ADAMTSL1: variants seen among roughly 807,000 people sequenced by gnomAD.
ADAMTSL1 encodes ADAMTS like 1, also known as ADAMTS-like protein 1.
A neutral mutation model predicts 201.8 loss-of-function variants in ADAMTSL1; 126 were observed. The ratio of observed to expected loss-of-function variants is 0.62; its 90% CI spans 0.54 to 0.72. The LOEUF is 0.72. ADAMTSL1 is among the 30% of genes least tolerant of loss of function. The probability of loss-of-function intolerance (pLI) is 0.00; values close to 1 mark genes in which losing one functional copy is unlikely to be tolerated. For missense variants in ADAMTSL1, 2,679 were observed against 2,277.8 expected, an observed-to-expected ratio of 1.18 and a Z score of -3.59; for synonymous variants, 1,121 against 903.4, an observed-to-expected ratio of 1.24 and a Z score of -4.32.
intron 1 of ADAMTSL1, among the ~76,000 whole-genome samples, chr9:18,144,678 T>C (rs1306561905): frequency 6.6e-6 from 1 of 152,172 alleles, no homozygotes; most frequent in East Asian, 1.9e-4. Context: ...TTTGCAAAGA[T>C]ACTAGCTTTT....
intron 24 of ADAMTSL1, 32 bp downstream of exon 24, chr9:18,888,075 C>T (rs1421313849): frequency 5.6e-6 from 9 of 1,593,772 alleles, no homozygotes; most frequent in Non-Finnish European, 7.7e-6. Flanking sequence ...GCATACTGGA[C>T]TTGAACAAGA....
At chr9:18,040,968 A>T (rs1200441728) in intron 1 of ADAMTSL1, among the ~76,000 whole-genome samples, 1 of 152,160 alleles carries the variant, frequency 6.6e-6, no homozygotes, top group African/African-American at 2.4e-5. Context: ...TTTAATGAAA[A>T]TTTCAATTTC....
intron 1 of ADAMTSL1, among the ~76,000 whole-genome samples, chr9:18,126,413 C>G (rs1420187130): frequency 6.6e-6 from 1 of 152,156 alleles, no homozygotes; most frequent in African/African-American, 2.4e-5. Context: ...CTTTATCCTT[C>G]TATTTAGGGT....
intron 2 of ADAMTSL1, among the ~76,000 whole-genome samples, chr9:18,337,099 G>C (rs1835272054): frequency 6.6e-6 from 1 of 152,114 alleles, no homozygotes; most frequent in Non-Finnish European, 1.5e-5. Flanking sequence ...TGAGTCAGTG[G>C]ACTGGGAGAC....
intron 4 of ADAMTSL1, among the ~76,000 whole-genome samples, chr9:18,621,612 T>C (rs1405923019): frequency 6.6e-6 from 1 of 151,098 alleles, no homozygotes; most frequent in Non-Finnish European, 1.5e-5. Context: ...TAAGTTTGTA[T>C]CTGTTTGCTG....
chr9:18,599,156 A>G (rs1824464086), intron 4 of ADAMTSL1, among the ~76,000 whole-genome samples: 1 of 152,188 alleles, frequency 6.6e-6, no homozygotes, highest in South Asian at 2.1e-4. Flanking sequence ...GAGCCACATG[A>G]TATAATGTCC....
At chr9:17,955,504 C>T (rs905239892) in intron 1 of ADAMTSL1, among the ~76,000 whole-genome samples, 4 of 152,198 alleles carry the variant, frequency 2.6e-5, no homozygotes, top group Admixed American at 1.3e-4. Context: ...CAGTCACCCA[C>T]GGTCAGCTTT....
intron 2 of ADAMTSL1, among the ~76,000 whole-genome samples, chr9:18,431,265 T>C (rs12554734): frequency 6.6e-5 from 10 of 152,228 alleles, no homozygotes; most frequent in Non-Finnish European, 1.3e-4. Context: ...AGAATGCAGA[T>C]GCAGTAGAGT....
chr9:17,943,520 T>C (rs567828639), intron 1 of ADAMTSL1, among the ~76,000 whole-genome samples: 1 of 152,238 alleles, frequency 6.6e-6, no homozygotes, highest in East Asian at 1.9e-4. Flanking sequence ...CTGTTTAAAG[T>C]ATTTTGATAT....
intron 2 of ADAMTSL1, among the ~76,000 whole-genome samples, chr9:18,272,454 A>T (rs1832413291): frequency 6.6e-6 from 1 of 152,218 alleles, no homozygotes; most frequent in Non-Finnish European, 1.5e-5. Flanking sequence ...ACAAAAATTA[A>T]TTCAAGATGG....
At chr9:18,463,524 C>T (rs188502976) in intron 2 of ADAMTSL1, among the ~76,000 whole-genome samples, 6 of 152,196 alleles carry the variant, frequency 3.9e-5, no homozygotes, top group Non-Finnish European at 7.3e-5. Flanking sequence ...AACCCCATAC[C>T]CCGTTAAACG....
intron 16 of ADAMTSL1, 136 bp downstream of exon 16, chr9:18,753,644 C>T (rs1280767934): frequency 2.1e-6 from 2 of 939,274 alleles, no homozygotes; most frequent in Non-Finnish European, 3.3e-6. Context: ...CTTCTTAGTA[C>T]TCCCCTAACC....
At chr9:18,684,957 A>AGTGTTT (rs1479250575) in intron 13 of ADAMTSL1, 157 bp downstream of exon 13, 14 of 1,395,514 alleles carry the variant, frequency 1.0e-5, no homozygotes, top group Non-Finnish European at 1.3e-5. Flanking sequence ...AGTTTCAAAA[A>AGTGTTT]GTGTTTGTCA....
chr9:17,989,145 C>T (rs1255610581), intron 1 of ADAMTSL1, among the ~76,000 whole-genome samples: 2 of 151,596 alleles, frequency 1.3e-5, no homozygotes, highest in Non-Finnish European at 2.9e-5. Flanking sequence ...ATGTTTATTA[C>T]AGAAAAATCA....
At chr9:18,127,784 GA>G (rs1218644680) in intron 1 of ADAMTSL1, among the ~76,000 whole-genome samples, 14 of 152,264 alleles carry the variant, frequency 9.2e-5, no homozygotes, top group Middle Eastern at 3.4e-3. Context: ...TGGTCACCAG[GA>G]AACTTGCCAT....
At chr9:18,327,761 G>C (rs987316684) in intron 2 of ADAMTSL1, among the ~76,000 whole-genome samples, 3 of 152,190 alleles carry the variant, frequency 2.0e-5, no homozygotes, top group African/African-American at 7.2e-5. Context: ...AAAGCTTAAA[G>C]AGTTATACAC....
Position 18,067,137 on chromosome 9 carries a change from TA to T in ADAMTSL1, c.88-96716del, listed in dbSNP as rs572403939. Among the ~76,000 whole-genome samples, 18 of 151,476 alleles carry T rather than the reference TA, an allele frequency of 1.2e-4. No individual in the cohort carries two copies. In the South Asian group the frequency reaches 3.1e-3, roughly 26 times the overall value. The stretch of plus-strand genomic sequence containing the variant: ...ATGTACCCTAAAACTTAAAGTATAA[TA>T]AAAAAAAATGCAAGTGGTTAAGGGT... On this transcript the variant is annotated intron_variant, in intron 1 of 29. Coordinates refer to the ADAMTSL1 transcript ENST00000680146.
chr9:18,278,157 A>G (rs189756787), intron 2 of ADAMTSL1, among the ~76,000 whole-genome samples: 1 of 152,154 alleles, frequency 6.6e-6, no homozygotes, highest in Non-Finnish European at 1.5e-5. Flanking sequence ...ATACTTTATC[A>G]TTAAACTTTT....
At chr9:18,035,237 T>G (rs1821143386) in intron 1 of ADAMTSL1, among the ~76,000 whole-genome samples, 1 of 152,174 alleles carries the variant, frequency 6.6e-6, no homozygotes, top group African/African-American at 2.4e-5. Context: ...GACAGCGGCT[T>G]TTTATGGCCA....
Sources: gnomAD v4.1 joint callset for allele counts (sites outside exome capture counted in the v4.1 genomes callset) on GRCh38, gnomAD v4.1.1 for gene constraint, MANE v1.5 for transcripts, NCBI Gene and HGNC (gene_info 2026-07-23, HGNC 2026-07-21) for gene names.